Variants in LCAT observed in about 807,000 individuals in gnomAD.
LCAT encodes the protein lecithin-cholesterol acyltransferase, also known as phosphatidylcholine-sterol acyltransferase.
In LCAT, 15 loss-of-function variants were observed where a neutral mutation model predicts 41.0. The observed-to-expected ratio is 0.37, with a 90% CI of 0.24 to 0.56. The LOEUF (loss-of-function observed/expected upper bound fraction) is 0.56, where lower values mean the gene tolerates loss of function less well. Among genes scored for constraint, LCAT ranks in the 20% least tolerant of loss-of-function variants. LCAT has a pLI of 0.81. For synonymous variants in LCAT, 248 were observed against 245.4 expected (o/e 1.01, Z -0.10); for missense variants, 449 against 595.1 (o/e 0.75, Z 2.55).
In LCAT at chr16:67,943,682, C is replaced by T. The variant is rs115102600; in HGVS notation, c.154+266G>A. The T allele has an allele frequency of 1.4e-3, 763 of 540,520 alleles. 9 individuals carry two copies. The highest frequency in any genetic ancestry group is 0.013 in the African/African-American group (668 of 52,946). The allele number at this position is 540,520 out of a possible 1,614,324, so 33.5% of individuals were successfully genotyped here. Reference sequence around the variant, plus strand: ...CTGGTGTGGCTGTGACTGACCACAGCTTGTGATGCCCCAGCCAAGACCTCA... The same window carrying T: ...CTGGTGTGGCTGTGACTGACCACAGTTTGTGATGCCCCAGCCAAGACCTCA... On this transcript the variant is annotated intron_variant, in intron 1 of 5. Transcript: ENST00000264005. This position sits in a 1 kb window ranked among gnomAD's most constrained non-coding sequence, Gnocchi z 4.6.
At position 67,943,585 on chromosome 16, in the gene LCAT, C is replaced by T. The variant is rs1347187378; in HGVS notation, c.154+363G>A. ...GCATGGATGGGCCTCTCCTGCTCAC[C>T]GATCCTGGGCTGGGCATCTTGTCCT... is the stretch of plus-strand genomic sequence containing the variant. On this transcript the variant is annotated intron_variant, in intron 1 of 5. Transcript: ENST00000264005. This position sits in a 1 kb window ranked among gnomAD's most constrained non-coding sequence, Gnocchi z 4.6. 9 of 499,980 alleles carry T rather than the reference C, an allele frequency of 1.8e-5. No homozygotes were observed. The highest frequency in any genetic ancestry group is 9.9e-5 in the Admixed American group (3 of 30,308). The allele number at this position is 499,980 out of a possible 1,614,324, so 31.0% of individuals were successfully genotyped here.
In LCAT at chr16:67,939,983, T is replaced by C. The variant is rs780478467; in HGVS notation, c.1244A>G (p.Asn415Ser). 15 of 1,613,682 alleles carry C rather than the reference T, an allele frequency of 9.3e-6. No individual in the cohort carries two copies. Among genetic ancestry groups the C allele is most frequent in the Non-Finnish European group, 1.3e-5 (15 of 1,180,018 alleles). Reference protein sequence around the residue: ...VFSNLTLEHINAILLGAYRQG... With the variant: ...VFSNLTLEHISAILLGAYRQG... ...GCGGTAGGCACCCAGCAGGATGGCATTGATGTGCTCCAGGGTCAGGTTGCT... is the reference window on the plus strand; with the variant it reads ...GCGGTAGGCACCCAGCAGGATGGCACTGATGTGCTCCAGGGTCAGGTTGCT... Residue 415 changes from asparagine (N) to serine (S), a missense_variant, in exon 6 of 6, where the codon AAT (asparagine) becomes AGT (serine). Physicochemically the swap from Asn to Ser is conservative, Grantham distance 46. Transcript: ENST00000264005.
rs1412484934 is a variant in LCAT, at chr16:67,943,884, A to G, written c.154+64T>C. ...AAGGGCTTTGGCCAGGTCAGCTGCC[A>G]GGGGCTGGGGCCCAGGCTCCCCAGG... On this transcript the variant is annotated intron_variant, in intron 1 of 5. Coordinates refer to ENST00000264005, the MANE Select transcript of LCAT (RefSeq NM_000229.2). The surrounding 1 kb of genome is among the most constrained non-coding windows in gnomAD (Gnocchi z 4.6). 4 of 1,444,342 alleles carry G rather than the reference A, an allele frequency of 2.8e-6. No individual in the cohort carries two copies. The highest frequency in any genetic ancestry group is 5.0e-5 in the East Asian group (2 of 40,088). The allele number at this position is 1,444,342 out of a possible 1,614,324, so 89.5% of individuals were successfully genotyped here.
intron 5 of LCAT, chr16:67,941,612 C>T: frequency 1.0e-6 from 1 of 984,158 alleles, no homozygotes; most frequent in Non-Finnish European, 1.2e-6. Flanking sequence ...ATGACCCTGT[C>T]TGAAAAAGAA....
rs773888164 is a variant in LCAT at position 67,942,714 on chromosome 16, G to A, written c.480C>T (p.Asp160=). Residue 160 remains aspartate, a synonymous_variant, in exon 4 of 6, where the codon GAC becomes GAT. Transcript: ENST00000264005. The surrounding 1 kb of genome is among the most constrained non-coding windows in gnomAD (Gnocchi z 6.6). ...CATAGGGGGCGGCGCGCACAGTCTC[G>A]TCCCGCACGTAGCCATTGTTGACCA... ...QNLVNNGYVR[D]ETVRAAPYDW... 2.5e-5 allele frequency: 41 copies of A among 1,612,740 alleles called. No individual in the cohort carries two copies. The East Asian group carries it at 7.1e-4, about 28-fold the overall frequency.
At chr16:67,941,165 G>A (rs186174583) in intron 5 of LCAT, among the ~76,000 whole-genome samples, 35 of 152,144 alleles carry the variant, frequency 2.3e-4, no homozygotes, top group Admixed American at 9.8e-4. Context: ...TTAGCCAGGC[G>A]TGGTGGCACA....
Position 67,939,843 on chromosome 16 carries a change from CT to C in LCAT, c.*60del, listed in dbSNP as rs1183899947. On this transcript the variant is annotated 3_prime_UTR_variant, in exon 6 of 6. Transcript: ENST00000264005. ...GAGGAGTGAAACCTAGTGTGGGACTCTAGTGCCTCCCTTCAACCTGAAACAT... is the reference window on the plus strand; with the variant it reads ...GAGGAGTGAAACCTAGTGTGGGACTCAGTGCCTCCCTTCAACCTGAAACAT... The C allele has an allele frequency of 5.1e-6, 8 of 1,575,810 alleles. No homozygotes were observed. The East Asian group carries it at 1.8e-4, about 35-fold the overall frequency.
Position 67,943,933 on chromosome 16 carries a change from C to T in LCAT, c.154+15G>A, listed in dbSNP as rs1337155154. The T allele has an allele frequency of 6.5e-6, 10 of 1,540,840 alleles. No homozygotes were observed. Among genetic ancestry groups the T allele is most frequent in the Non-Finnish European group, 8.8e-6 (10 of 1,141,264 alleles). ...GGGTCTGGCGTGGTGCATCAGGGGC[C>T]TGGTGGGGGCTTACCGAGGATGACG... On this transcript the variant is annotated intron_variant, in intron 1 of 5. Coordinates refer to ENST00000264005, the MANE Select transcript of LCAT (RefSeq NM_000229.2). This position sits in a 1 kb window ranked among gnomAD's most constrained non-coding sequence, Gnocchi z 4.6.
rs553192355 is a variant in LCAT, at chr16:67,940,669, G to A, written c.749-191C>T. ...GTCAGCTTACTCAATGAGAAGCCCTGATAAGACCTCTGTTGGGTGGAGCTG... is the reference window on the plus strand; with the variant it reads ...GTCAGCTTACTCAATGAGAAGCCCTAATAAGACCTCTGTTGGGTGGAGCTG... On this transcript the variant is annotated intron_variant, in intron 5 of 5. Coordinates refer to ENST00000264005, the MANE Select transcript of LCAT (RefSeq NM_000229.2). 18 of 982,644 alleles carry A rather than the reference G, an allele frequency of 1.8e-5. No homozygotes were observed. The African/African-American group carries it at 2.6e-4, about 14-fold the overall frequency. 60.9% of individuals were successfully genotyped at this position (982,644 alleles called of 1,614,324 possible).
rs1260701025 is a variant in LCAT at position 67,943,351 on chromosome 16, C to T, written c.155-139G>A. On this transcript the variant is annotated intron_variant, in intron 1 of 5. Coordinates refer to ENST00000264005, the MANE Select transcript of LCAT (RefSeq NM_000229.2). The surrounding 1 kb of genome is among the most constrained non-coding windows in gnomAD (Gnocchi z 4.6). ...CCAGGTACAAAGCACACTTACCCTC[C>T]CCTGCTTACACCCCCTCTCCCTGCT... 5.1e-6 allele frequency: 4 copies of T among 782,064 alleles called. No individual in the cohort carries two copies. The highest frequency in any genetic ancestry group is 8.6e-6 in the Non-Finnish European group (4 of 465,418). 48.4% of individuals were successfully genotyped at this position (782,064 alleles called of 1,614,324 possible).
chr16:67,940,128 C>T lies in LCAT; in HGVS notation c.1099G>A (p.Asp367Asn). 6.2e-7 allele frequency: 1 copy of T among 1,613,504 alleles called. No individual in the cohort carries two copies. The highest frequency in any genetic ancestry group is 1.3e-5 in the African/African-American group (1 of 75,046). ...YTDPVGVLYE[D>N]GDDTVATRST... ...CGGGTCGCCACCGTGTCATCACCAT[C>T]CTCATAGAGCACACCCACAGGGTCC... Residue 367 changes from aspartate (D) to asparagine (N), a missense_variant, in exon 6 of 6, where the codon GAT becomes AAT. Asp to Asn is a conservative substitution (Grantham distance 23, BLOSUM62 1). Transcript: ENST00000264005.
intron 5 of LCAT, chr16:67,940,885 G>A (rs189766806): frequency 4.6e-6 from 1 of 215,792 alleles, no homozygotes; most frequent in Non-Finnish European, 9.5e-6. Context: ...TGCACCTCTA[G>A]TCCTAGCTAC....
chr16:67,941,595 C>A lies in LCAT; in HGVS notation c.748+768G>T, dbSNP rs1231675025. 4 of 978,080 alleles carry A rather than the reference C, an allele frequency of 4.1e-6. No individual in the cohort carries two copies. In the South Asian group the frequency reaches 1.4e-4, roughly 34 times the overall value. The allele number at this position is 978,080 out of a possible 1,614,324, so 60.6% of individuals were successfully genotyped here. On this transcript the variant is annotated intron_variant, in intron 5 of 5. Transcript: ENST00000264005. ...TCACGCCACTGCACTCCAGCCTGGGCGACAGAATGACCCTGTCTGAAAAAG... is the reference window on the plus strand; with the variant it reads ...TCACGCCACTGCACTCCAGCCTGGGAGACAGAATGACCCTGTCTGAAAAAG...
chr16:67,942,303 A>G lies in LCAT; in HGVS notation c.748+60T>C. ...TGTGAGCAGGAGCCGCAATGAAGGC[A>G]GGCCCAGGATCAGCTTGGTCTCACC... On this transcript the variant is annotated intron_variant, in intron 5 of 5. Transcript: ENST00000264005. This position sits in a 1 kb window ranked among gnomAD's most constrained non-coding sequence, Gnocchi z 6.6. 1 of 1,558,098 alleles carries G rather than the reference A, an allele frequency of 6.4e-7. No individual in the cohort carries two copies.
chr16:67,939,839 G>A lies in LCAT; in HGVS notation c.*65C>T. On this transcript the variant is annotated 3_prime_UTR_variant, in exon 6 of 6. Transcript: ENST00000264005. ...TGGTGAGGAGTGAAACCTAGTGTGG[G>A]ACTCTAGTGCCTCCCTTCAACCTGA... 6.4e-7 allele frequency: 1 copy of A among 1,570,374 alleles called. No individual in the cohort carries two copies. The highest frequency in any genetic ancestry group is 1.7e-5 in the Admixed American group (1 of 57,614).
In LCAT at chr16:67,939,956, T is replaced by A; in HGVS notation, c.1271A>T (p.Gln424Leu). 1 of 1,613,550 alleles carries A rather than the reference T, an allele frequency of 6.2e-7. No homozygotes were observed. Among genetic ancestry groups the A allele is most frequent in the Non-Finnish European group, 8.5e-7 (1 of 1,179,986 alleles). Residue 424 changes from glutamine (Q) to leucine (L), a missense_variant, in exon 6 of 6, where the codon CAG becomes CTG. Physicochemically the swap from Gln to Leu is moderately radical, Grantham distance 113. Coordinates refer to ENST00000264005, the MANE Select transcript of LCAT (RefSeq NM_000229.2). ...GGCAGTCGGGGATGCAGGGGGACCC[T>A]GGCGGTAGGCACCCAGCAGGATGGC... Reference protein sequence around the residue: ...INAILLGAYRQGPPASPTASP... With the variant: ...INAILLGAYRLGPPASPTASP...
At chr16:67,941,755 G>A in intron 5 of LCAT, 1 of 1,009,394 alleles carries the variant, frequency 9.9e-7, no homozygotes, top group Non-Finnish European at 1.2e-6. Context: ...TCCTTGTGTG[G>A]CTTATGCAGC....
At position 67,943,242 on chromosome 16, in the gene LCAT, T is replaced by C; in HGVS notation, c.155-30A>G. On this transcript the variant is annotated intron_variant, in intron 1 of 5. Transcript: ENST00000264005. This position sits in a 1 kb window ranked among gnomAD's most constrained non-coding sequence, Gnocchi z 4.6. ...GAGCAGCAGCCCTCACTCTGGACTC[T>C]GGATTCCCCCCGTGACCCTTACCCC... is the stretch of plus-strand genomic sequence containing the variant. 6.2e-7 allele frequency: 1 copy of C among 1,611,128 alleles called. No individual in the cohort carries two copies. The highest frequency in any genetic ancestry group is 8.5e-7 in the Non-Finnish European group (1 of 1,179,684).
Position 67,939,967 on chromosome 16 carries a change from A to G in LCAT, c.1260T>C (p.Gly420=), listed in dbSNP as rs1394425052. The G allele has an allele frequency of 2.5e-6, 4 of 1,613,514 alleles. No individual in the cohort carries two copies. Among genetic ancestry groups the G allele is most frequent in the African/African-American group, 2.7e-5 (2 of 74,932 alleles). The change falls in exon 6 of 6, where the codon GGT becomes GGC. Residue 420 remains glycine, a synonymous_variant. Coordinates refer to ENST00000264005, the MANE Select transcript of LCAT (RefSeq NM_000229.2). ...TLEHINAILL[G]AYRQGPPASP... is the part of the protein sequence containing the mutation. ...ATGCAGGGGGACCCTGGCGGTAGGC[A>G]CCCAGCAGGATGGCATTGATGTGCT...
Sources: allele counts gnomAD v4.1 joint callset (sites outside exome capture counted in the v4.1 genomes callset), GRCh38; gene constraint gnomAD v4.1.1; non-coding constraint Gnocchi (gnomAD v3.1); transcripts MANE v1.5; gene names NCBI Gene and HGNC (gene_info 2026-07-23, HGNC 2026-07-21).